The following RBFOX1 variants were observed in gnomAD, a reference collection of about 807,000 sequenced individuals.
The protein encoded by RBFOX1 is RNA binding fox-1 homolog 1, also known as RNA binding protein fox-1 homolog 1.
RBFOX1 carries 8 observed loss-of-function variants against 57.7 expected under a neutral mutation model. The ratio of observed to expected loss-of-function variants is 0.14; its 90% confidence interval spans 0.08 to 0.25. The LOEUF is 0.25. Among genes scored for constraint, RBFOX1 ranks in the 10% least tolerant of loss-of-function variants. RBFOX1 has a pLI of 1.00. For missense variants in RBFOX1, 611 were observed against 548.5 expected (o/e 1.11, Z -1.14); for synonymous variants, 326 against 222.4 (o/e 1.47, Z -4.15).
chr16:7,328,477 C>CAAAA (rs58553232), intron 4 of RBFOX1, among the ~76,000 whole-genome samples: 1,087 of 60,272 alleles, frequency 0.018, 67 homozygotes, highest in African/African-American at 0.05. Context: ...GACTCTGTCT[C>CAAAA]AAAAAAAAAA....
chr16:6,090,839 C>G (rs1326473803), intron 1 of RBFOX1, among the ~76,000 whole-genome samples: 1 of 152,094 alleles, frequency 6.6e-6, no homozygotes, highest in Non-Finnish European at 1.5e-5. Context: ...GGGGTGAGAG[C>G]AGAGGGGAAG....
At chr16:6,904,620 AAAAAAAAAG>A (rs2069337640) in intron 3 of RBFOX1, among the ~76,000 whole-genome samples, 1 of 150,770 alleles carries the variant, frequency 6.6e-6, no homozygotes, top group Non-Finnish European at 1.5e-5. Flanking sequence ...AAAAAAAAAA[AAAAAAAAAG>A]AAGAAGAAGA....
At chr16:5,854,647 C>G (rs1006307431) in intron 3 of RBFOX1, among the ~76,000 whole-genome samples, 4 of 152,024 alleles carry the variant, frequency 2.6e-5, no homozygotes, top group Non-Finnish European at 4.4e-5. Context: ...TTAGTGGAGA[C>G]CTAGGTTGTT....
chr16:6,615,872 G>A (rs1265320680), intron 2 of RBFOX1, among the ~76,000 whole-genome samples: 2 of 152,100 alleles, frequency 1.3e-5, no homozygotes, highest in Non-Finnish European at 2.9e-5. Flanking sequence ...GCGTTTCCTT[G>A]CTCGCGAATC....
At chr16:7,352,302 A>G (rs1021023690) in intron 4 of RBFOX1, among the ~76,000 whole-genome samples, 1 of 152,136 alleles carries the variant, frequency 6.6e-6, no homozygotes, top group African/African-American at 2.4e-5. Flanking sequence ...GGCAGAAACA[A>G]CTGGCCCTGT....
At chr16:7,078,627 C>T (rs1290765999) in intron 4 of RBFOX1, among the ~76,000 whole-genome samples, 1 of 151,762 alleles carries the variant, frequency 6.6e-6, no homozygotes, top group African/African-American at 2.4e-5. Context: ...AGATTACAGG[C>T]ATGAGCCACC....
chr16:7,064,367 C>G (rs1204811645), intron 4 of RBFOX1, among the ~76,000 whole-genome samples: 2 of 152,046 alleles, frequency 1.3e-5, no homozygotes, highest in East Asian at 1.9e-4. Context: ...TGGGGTTTCA[C>G]CATGTTGCCC....
chr16:6,624,699 G>A (rs986692003), intron 2 of RBFOX1, among the ~76,000 whole-genome samples: 1 of 152,088 alleles, frequency 6.6e-6, no homozygotes. Flanking sequence ...ACTCCTAGAC[G>A]TCGTTGTAAA....
At chr16:7,224,434 C>G (rs1221288072) in intron 4 of RBFOX1, among the ~76,000 whole-genome samples, 3 of 152,156 alleles carry the variant, frequency 2.0e-5, no homozygotes, top group Non-Finnish European at 4.4e-5. Flanking sequence ...ATGCCCCATA[C>G]CAAGCATCAC....
chr16:7,568,787 T>G (rs2092422615), intron 5 of RBFOX1, among the ~76,000 whole-genome samples: 1 of 143,256 alleles, frequency 7.0e-6, no homozygotes, highest in Non-Finnish European at 1.5e-5. Flanking sequence ...CTTGGGAGGC[T>G]GAGGCAGGAG....
At chr16:5,343,140 A>T (rs911051716) in intron 1 of RBFOX1, among the ~76,000 whole-genome samples, 2 of 152,122 alleles carry the variant, frequency 1.3e-5, no homozygotes, top group African/African-American at 4.8e-5. Flanking sequence ...GAAGCATGTG[A>T]CCATTGTTGC....
At chr16:5,726,478 C>T (rs1375791224) in intron 3 of RBFOX1, among the ~76,000 whole-genome samples, 1 of 152,160 alleles carries the variant, frequency 6.6e-6, no homozygotes. Context: ...TTCTTTGTCC[C>T]GCTTTCCTTC....
At chr16:7,586,146 C>G (rs1284342180) in intron 6 of RBFOX1, among the ~76,000 whole-genome samples, 1 of 152,240 alleles carries the variant, frequency 6.6e-6, no homozygotes, top group African/African-American at 2.4e-5. Flanking sequence ...AGCATTTGCT[C>G]TCATTCTGCA....
At chr16:7,412,586 T>G (rs938260202) in intron 4 of RBFOX1, among the ~76,000 whole-genome samples, 1 of 152,200 alleles carries the variant, frequency 6.6e-6, no homozygotes, top group Admixed American at 6.5e-5. Flanking sequence ...TCAAATACTT[T>G]CTAGATTTCG....
intron 2 of RBFOX1, among the ~76,000 whole-genome samples, chr16:6,563,722 G>C (rs1250429124): frequency 6.6e-6 from 1 of 152,064 alleles, no homozygotes; most frequent in Non-Finnish European, 1.5e-5. Flanking sequence ...GCACACACTG[G>C]TAGTAGGGCA....
At chr16:7,624,648 G>A (rs2059809740) in intron 10 of RBFOX1, among the ~76,000 whole-genome samples, 1 of 152,192 alleles carries the variant, frequency 6.6e-6, no homozygotes, top group South Asian at 2.1e-4. Flanking sequence ...GAGGCAGAGG[G>A]ACTAATAAGC....
At chr16:7,140,145 T>C (rs971749583) in intron 4 of RBFOX1, among the ~76,000 whole-genome samples, 2 of 139,398 alleles carry the variant, frequency 1.4e-5, no homozygotes, top group African/African-American at 6.0e-5. Context: ...TCTCTTATTC[T>C]CTCCTTCTCT....
At chr16:7,475,309 C>CTTTT (rs753509713) in intron 4 of RBFOX1, among the ~76,000 whole-genome samples, 33 of 132,748 alleles carry the variant, frequency 2.5e-4, no homozygotes, top group African/African-American at 5.9e-4. Context: ...GATGGGCATT[C>CTTTT]TTTTTTTTTT....
chr16:7,502,962 G>T (rs12596954), intron 4 of RBFOX1, among the ~76,000 whole-genome samples: 1 of 152,036 alleles, frequency 6.6e-6, no homozygotes, highest in African/African-American at 2.4e-5. Context: ...CACTGAGGTT[G>T]CAGTGAGCTG....
Sources: gnomAD v4.1 joint callset for allele counts (sites outside exome capture counted in the v4.1 genomes callset) on GRCh38, gnomAD v4.1.1 for gene constraint, MANE v1.5 for transcripts, NCBI Gene and HGNC (gene_info 2026-07-23, HGNC 2026-07-21) for gene names.